TP53BP1: variants seen among roughly 807,000 people sequenced by gnomAD.
The protein encoded by TP53BP1 is tumor protein p53 binding protein 1, also known as TP53-binding protein 1.
In TP53BP1, 61 loss-of-function variants were observed where a neutral mutation model predicts 200.8. That is an observed-to-expected ratio of 0.30 (90% CI 0.25 to 0.38). The LOEUF is 0.38. Among genes scored for constraint, TP53BP1 ranks in the 10% least tolerant of loss-of-function variants. The pLI, the probability that TP53BP1 is intolerant of heterozygous loss-of-function variation, is 1.00. For synonymous variants in TP53BP1, 822 were observed against 844.3 expected, an observed-to-expected ratio of 0.97 and a Z score of 0.46; for missense variants, 2,144 against 2,371.9, an observed-to-expected ratio of 0.90 and a Z score of 2.00.
At chr15:43,475,513 A>G (rs1399025090) in intron 9 of TP53BP1, 52 bp downstream of exon 9, 1 of 1,601,564 alleles carries the variant, frequency 6.2e-7, no homozygotes, top group South Asian at 1.1e-5. Context: ...GCCTTAGCCT[A>G]AGACTCTCAG....
chr15:43,452,067 G>A (rs896069186), intron 12 of TP53BP1, among the ~76,000 whole-genome samples: 3 of 152,226 alleles, frequency 2.0e-5, no homozygotes, highest in East Asian at 1.9e-4. Context: ...CCTGGGAGGC[G>A]GAGGTTGCAG....
At chr15:43,470,549 A>G (rs1479336659) in intron 10 of TP53BP1, among the ~76,000 whole-genome samples, 1 of 152,210 alleles carries the variant, frequency 6.6e-6, no homozygotes, top group Non-Finnish European at 1.5e-5. Flanking sequence ...AACTGCAGAG[A>G]GATGGATGCC....
At chr15:43,432,159 C>T in intron 17 of TP53BP1, 35 bp downstream of exon 17, 1 of 1,570,320 alleles carries the variant, frequency 6.4e-7, no homozygotes, top group Non-Finnish European at 8.6e-7. Flanking sequence ...AAGTTAAAAA[C>T]AAGGCCTCTG....
chr15:43,450,976 G>A (rs748814361), intron 12 of TP53BP1, among the ~76,000 whole-genome samples: 1 of 152,164 alleles, frequency 6.6e-6, no homozygotes, highest in African/African-American at 2.4e-5. Flanking sequence ...CCGAGTTCAA[G>A]TGATTCTCAA....
intron 7 of TP53BP1, among the ~76,000 whole-genome samples, chr15:43,479,131 A>T (rs529751624): frequency 1.3e-5 from 2 of 152,274 alleles, no homozygotes; most frequent in African/African-American, 4.8e-5. Context: ...TGGCCCCAGT[A>T]CTTGGGAGGC....
At position 43,405,343 on chromosome 15, in the gene TP53BP1, C is replaced by A; in HGVS notation, c.*2040G>T. On this transcript the variant is annotated 3_prime_UTR_variant, in exon 28 of 28. Transcript: ENST00000382044. ...TAGTGATAGGACTCTACCTTTTCTC[C>A]TAGAAGCAGTTACTGAACATCCAGG... 1 of 1,056,196 alleles carries A rather than the reference C, an allele frequency of 9.5e-7. No homozygotes were observed. The highest frequency in any genetic ancestry group is 1.4e-6 in the Non-Finnish European group (1 of 703,012). The allele number at this position is 1,056,196 out of a possible 1,614,324, so 65.4% of individuals were successfully genotyped here.
chr15:43,465,367 T>C (rs1244795110), intron 11 of TP53BP1, among the ~76,000 whole-genome samples: 2 of 152,116 alleles, frequency 1.3e-5, no homozygotes, highest in African/African-American at 2.4e-5. Context: ...GCACTTTAAA[T>C]GGGTAAACTG....
In TP53BP1 at chr15:43,453,647, G is replaced by A. The variant is rs567318770; in HGVS notation, c.2716+2245C>T. On this transcript the variant is annotated intron_variant, in intron 12 of 27. Coordinates refer to ENST00000382044, the MANE Select transcript of TP53BP1 (RefSeq NM_001141980.3). ...AGCTGGAGTGCAGTGATACAATCTC[G>A]GCTTCTCGTGCCTCAGCCTCCAGAG... is the stretch of plus-strand genomic sequence containing the variant. 1.0e-4 allele frequency among the ~76,000 whole-genome samples: 15 copies of A among 150,280 alleles called. No homozygotes were observed. In the South Asian group the frequency reaches 2.5e-3, roughly 25 times the overall value.
chr15:43,415,731 C>G lies in TP53BP1; in HGVS notation c.4952G>C (p.Ser1651Thr). The G allele has an allele frequency of 1.9e-6, 3 of 1,614,172 alleles. No homozygotes were observed. In the South Asian group the frequency reaches 3.3e-5, roughly 18 times the overall value. The stretch of plus-strand genomic sequence containing the variant: ...TGTGATCTTTCGGGTAGGGGTTGTG[C>G]TGCTGCTACTGGAGGCAGTAGGGGT... ...PATPTASSSS[S>T]TTPTRKITES... Residue 1651 changes from serine (S) to threonine (T), a missense_variant, in exon 23 of 28, where the codon AGC becomes ACC. Transcript: ENST00000382044.
In TP53BP1 at chr15:43,446,371, T is replaced by C; in HGVS notation, c.3040+16A>G. On this transcript the variant is annotated intron_variant, in intron 14 of 27. Transcript: ENST00000382044. The stretch of plus-strand genomic sequence containing the variant: ...ATCTGCAGCTACTAATTACCCAAGA[T>C]TAACATAAAACTTACTTTCCAGGTT... The C allele has an allele frequency of 6.2e-7, 1 of 1,608,538 alleles. No homozygotes were observed. The highest frequency in any genetic ancestry group is 8.5e-7 in the Non-Finnish European group (1 of 1,175,340).
intron 4 of TP53BP1, among the ~76,000 whole-genome samples, chr15:43,486,764 C>G (rs533288790): frequency 1.3e-5 from 2 of 152,220 alleles, no homozygotes; most frequent in South Asian, 4.2e-4. Flanking sequence ...GCTGGAACCA[C>G]AGATGTGTGC....
chr15:43,423,033 A>G (rs1480166887), intron 18 of TP53BP1, among the ~76,000 whole-genome samples: 1 of 150,524 alleles, frequency 6.6e-6, no homozygotes. Flanking sequence ...TAGTATTACC[A>G]TTTGGAAAAA....
chr15:43,429,978 A>G (rs990514340), intron 17 of TP53BP1, among the ~76,000 whole-genome samples: 2 of 152,232 alleles, frequency 1.3e-5, no homozygotes, highest in Admixed American at 1.3e-4. Flanking sequence ...CAACAGCCAT[A>G]TGAATGATCA....
chr15:43,414,382 G>GTT, intron 23 of TP53BP1, among the ~76,000 whole-genome samples: 1 of 152,306 alleles, frequency 6.6e-6, no homozygotes, highest in East Asian at 1.9e-4. Flanking sequence ...ATGAACTATT[G>GTT]TTTTTAAATA....
At chr15:43,418,164 A>G (rs889242736) in intron 21 of TP53BP1, among the ~76,000 whole-genome samples, 1 of 136,208 alleles carries the variant, frequency 7.3e-6, no homozygotes, top group African/African-American at 2.8e-5. Flanking sequence ...TGGGCGACAG[A>G]GCAAGGCTCT....
At chr15:43,469,762 T>C in intron 11 of TP53BP1, 96 bp downstream of exon 11, 1 of 1,038,340 alleles carries the variant, frequency 9.6e-7, no homozygotes, top group Non-Finnish European at 1.4e-6. Context: ...AATTATACAT[T>C]TAAAACGTGT....
upstream of TP53BP1, chr15:43,493,239 G>A (rs2079154794): frequency 2.1e-6 from 3 of 1,455,466 alleles, no homozygotes; most frequent in East Asian, 7.6e-5. Flanking sequence ...TGGATGATAG[G>A]TAGCTGCGGC....
intron 11 of TP53BP1, among the ~76,000 whole-genome samples, chr15:43,463,317 T>C (rs967780075): frequency 3.3e-5 from 5 of 152,076 alleles, no homozygotes; most frequent in Non-Finnish European, 5.9e-5. Context: ...AAGAAAAAAA[T>C]AGACAAAATT....
At chr15:43,455,623 G>A (rs1177311230) in intron 12 of TP53BP1, among the ~76,000 whole-genome samples, 2 of 151,962 alleles carry the variant, frequency 1.3e-5, no homozygotes, top group African/African-American at 4.8e-5. Context: ...GGGAGGCTGA[G>A]GCACGAGAAA....
Sources: gnomAD v4.1 joint callset for allele counts (sites outside exome capture counted in the v4.1 genomes callset) on GRCh38, gnomAD v4.1.1 for gene constraint, MANE v1.5 for transcripts, NCBI Gene and HGNC (gene_info 2026-07-23, HGNC 2026-07-21) for gene names.